KLHDC2: variants seen among roughly 807,000 people sequenced by gnomAD.
KLHDC2 encodes kelch domain containing 2.
Under a neutral mutation model 62.3 loss-of-function variants are expected in KLHDC2, and 38 were observed. The observed-to-expected ratio is 0.61, with a 90% CI of 0.47 to 0.80. KLHDC2 has a LOEUF of 0.80. Ranked by LOEUF, KLHDC2 falls within the 30% of genes least tolerant of loss-of-function variation. The probability of loss-of-function intolerance (pLI) is 0.00; values close to 1 mark genes in which losing one functional copy is unlikely to be tolerated. For missense variants in KLHDC2, 430 were observed against 495.3 expected, an observed-to-expected ratio of 0.87 and a Z score of 1.25; for synonymous variants, 159 against 161.0, an observed-to-expected ratio of 0.99 and a Z score of 0.09.
Position 49,785,929 on chromosome 14 carries a change from C to G in KLHDC2, c.*2976C>G, listed in dbSNP as rs927045815. ...AAGGAAAAAAACTATTGGATATTACCTGAGTTGCAGAAACCTGCTGTGGAT... is the reference window on the plus strand; with the variant it reads ...AAGGAAAAAAACTATTGGATATTACGTGAGTTGCAGAAACCTGCTGTGGAT... On this transcript the variant is annotated 3_prime_UTR_variant, in exon 13 of 13. Transcript: ENST00000298307. 1 of 151,656 alleles carries G rather than the reference C, an allele frequency of 6.6e-6. No homozygotes were observed. Among genetic ancestry groups the G allele is most frequent in the African/African-American group, 2.4e-5 (1 of 41,116 alleles). 9.4% of individuals were successfully genotyped at this position (151,656 alleles called of 1,614,324 possible).
In KLHDC2 at chr14:49,784,755, G is replaced by T; in HGVS notation, c.*1802G>T. ...GCTGAATATCTTCACATCCTGTATG[G>T]TCAATCATGTTTCTTTTATGACAAA... On this transcript the variant is annotated 3_prime_UTR_variant, in exon 13 of 13. Coordinates refer to ENST00000298307, the MANE Select transcript of KLHDC2 (RefSeq NM_014315.3). The T allele has an allele frequency of 6.6e-7, 1 of 1,523,594 alleles. No individual in the cohort carries two copies. The highest frequency in any genetic ancestry group is 9.0e-7 in the Non-Finnish European group (1 of 1,106,672). The allele number at this position is 1,523,594 out of a possible 1,614,324, so 94.4% of individuals were successfully genotyped here.
chr14:49,769,412 T>C (rs1305257824), intron 1 of KLHDC2, among the ~76,000 whole-genome samples: 2 of 152,184 alleles, frequency 1.3e-5, no homozygotes, highest in Non-Finnish European at 2.9e-5. Flanking sequence ...AAAATTCCTC[T>C]TTGGTCTTGA....
intron 1 of KLHDC2, 137 bp from the exon 2 acceptor site, chr14:49,771,457 G>A (rs750175415): frequency 1.7e-5 from 9 of 533,854 alleles, no homozygotes; most frequent in African/African-American, 1.6e-4. Flanking sequence ...GTGTGGCATG[G>A]GTGGGGGAGG....
intron 1 of KLHDC2, among the ~76,000 whole-genome samples, 191 bp from the exon 2 acceptor site, chr14:49,771,403 A>G (rs965733989): frequency 6.6e-6 from 1 of 152,048 alleles, no homozygotes; most frequent in African/African-American, 2.4e-5. Flanking sequence ...TGCTGTATCA[A>G]AATTCTGAAT....
At position 49,785,315 on chromosome 14, in the gene KLHDC2, G is replaced by A. The variant is rs1402150551; in HGVS notation, c.*2362G>A. The A allele has an allele frequency of 1.2e-6, 2 of 1,612,742 alleles. No individual in the cohort carries two copies. The highest frequency in any genetic ancestry group is 1.7e-6 in the Non-Finnish European group (2 of 1,179,078). ...GCTGGCCTGTCAAAGAATCAAATAG[G>A]TTTTCCTAAAAAGGGAAAATAACAG... On this transcript the variant is annotated 3_prime_UTR_variant, in exon 13 of 13. Coordinates refer to ENST00000298307, the MANE Select transcript of KLHDC2 (RefSeq NM_014315.3).
chr14:49,782,653 C>G (rs1889961181), intron 12 of KLHDC2, 59 bp downstream of exon 12: 1 of 1,437,648 alleles, frequency 7.0e-7, no homozygotes, highest in Non-Finnish European at 9.5e-7. Flanking sequence ...TAAGACTTAG[C>G]ACTCTCGAAA....
intron 1 of KLHDC2, among the ~76,000 whole-genome samples, chr14:49,770,090 A>G (rs761460727): frequency 3.9e-5 from 6 of 152,212 alleles, no homozygotes; most frequent in Admixed American, 6.5e-5. Context: ...TATTTTTAAA[A>G]TGACAGCATG....
intron 3 of KLHDC2, among the ~76,000 whole-genome samples, chr14:49,775,363 A>AC (rs909284970): frequency 6.6e-6 from 1 of 152,158 alleles, no homozygotes; most frequent in African/African-American, 2.4e-5. Context: ...TATAGTTCTC[A>AC]CCTCCTGGAA....
At chr14:49,768,805 A>T (rs8017977) in intron 1 of KLHDC2, 184 bp downstream of exon 1, 1 of 561,040 alleles carries the variant, frequency 1.8e-6, no homozygotes, top group East Asian at 3.4e-5. Flanking sequence ...TCTCTCGAGT[A>T]CCCCAACCCG....
chr14:49,778,932 C>G (rs1002709608), intron 6 of KLHDC2, among the ~76,000 whole-genome samples: 1 of 152,042 alleles, frequency 6.6e-6, no homozygotes, highest in African/African-American at 2.4e-5. Context: ...ATCACATTGG[C>G]CAGGCTGGTC....
At position 49,784,581 on chromosome 14, in the gene KLHDC2, C is replaced by G; in HGVS notation, c.*1628C>G. The G allele has an allele frequency of 7.9e-7, 1 of 1,259,782 alleles. No homozygotes were observed. Among genetic ancestry groups the G allele is most frequent in the South Asian group, 1.3e-5 (1 of 78,248 alleles). 78.0% of individuals were successfully genotyped at this position (1,259,782 alleles called of 1,614,324 possible). On this transcript the variant is annotated 3_prime_UTR_variant, in exon 13 of 13. Transcript: ENST00000298307. ...GATACATGGTGCTTTCATCTTTGAACTTCCAAAAGGCTATAAAATTGGCTC... is the reference window on the plus strand; with the variant it reads ...GATACATGGTGCTTTCATCTTTGAAGTTCCAAAAGGCTATAAAATTGGCTC...
chr14:49,768,745 C>G (rs1566631527), intron 1 of KLHDC2, 124 bp downstream of exon 1: 2 of 866,396 alleles, frequency 2.3e-6, no homozygotes, highest in Non-Finnish European at 1.7e-6. Flanking sequence ...CGCGCCCCAC[C>G]TCAGACTCTG....
Position 49,768,359 on chromosome 14 carries a change from C to T in KLHDC2, c.-110C>T, listed in dbSNP as rs1246968104. 7.9e-7 allele frequency: 1 copy of T among 1,273,326 alleles called. No individual in the cohort carries two copies. The highest frequency in any genetic ancestry group is 1.1e-6 in the Non-Finnish European group (1 of 931,170). The allele number at this position is 1,273,326 out of a possible 1,614,324, so 78.9% of individuals were successfully genotyped here. On this transcript the variant is annotated 5_prime_UTR_variant, in exon 1 of 13. Transcript: ENST00000298307. ...AGAGGCCTCAACGCCGTCCCTTTCG[C>T]CACCGCCTTTTCCTTGCCTCGCGCC...
rs201169153 is a variant in KLHDC2, at chr14:49,777,891, T to C, written c.404T>C (p.Ile135Thr). The C allele has an allele frequency of 7.6e-5, 123 of 1,612,568 alleles. No homozygotes were observed. The Admixed American group carries it at 1.5e-3, about 20-fold the overall frequency. ...GACAGAGTGTTACAGTGGGAAAGAATTGATTGCCAAGGAATTCCTCCATCA... is the reference window on the plus strand; with the variant it reads ...GACAGAGTGTTACAGTGGGAAAGAACTGATTGCCAAGGAATTCCTCCATCA... ...STDRVLQWER[I>T]DCQGIPPSSK... The change falls in exon 4 of 13, where the codon ATT (isoleucine) becomes ACT (threonine). Residue 135 changes from isoleucine to threonine, a missense_variant. Physicochemically the swap from Ile to Thr is moderately conservative, Grantham distance 89. Transcript: ENST00000298307.
At chr14:49,770,083 T>C (rs1479188768) in intron 1 of KLHDC2, among the ~76,000 whole-genome samples, 1 of 152,204 alleles carries the variant, frequency 6.6e-6, no homozygotes, top group African/African-American at 2.4e-5. Context: ...ATAATTGTAT[T>C]TTTAAAATGA....
chr14:49,778,343 T>C, intron 5 of KLHDC2, 68 bp from the exon 6 acceptor site: 1 of 1,330,250 alleles, frequency 7.5e-7, no homozygotes. Flanking sequence ...TTTTCTTTGG[T>C]AATCAGGCAG....
chr14:49,779,858 A>G (rs779864120), intron 8 of KLHDC2, 52 bp downstream of exon 8: 7 of 1,275,364 alleles, frequency 5.5e-6, no homozygotes, highest in East Asian at 2.3e-5. Flanking sequence ...TTTTTACCCT[A>G]TATTCCCTAC....
chr14:49,779,980 CTA>C, intron 8 of KLHDC2, 174 bp downstream of exon 8: 1 of 625,192 alleles, frequency 1.6e-6, no homozygotes, highest in South Asian at 2.0e-5. Flanking sequence ...GTTCCTGTAA[CTA>C]TGTGCCTAGT....
chr14:49,774,793 T>G, intron 3 of KLHDC2, 115 bp downstream of exon 3: 2 of 756,566 alleles, frequency 2.6e-6, no homozygotes, highest in South Asian at 2.9e-5. Context: ...AAAAATGATG[T>G]GTACTTGATT....
Sources: allele counts gnomAD v4.1 joint callset (sites outside exome capture counted in the v4.1 genomes callset), GRCh38; gene constraint gnomAD v4.1.1; transcripts MANE v1.5; gene names NCBI Gene and HGNC (gene_info 2026-07-23, HGNC 2026-07-21).